Variants in ZFAND3 observed in about 807,000 individuals in gnomAD.
ZFAND3 encodes the protein zinc finger AN1-type containing 3.
In ZFAND3, 10 loss-of-function variants were observed where a neutral mutation model predicts 29.6. The ratio of observed to expected loss-of-function variants is 0.34; its 90% CI spans 0.21 to 0.57. The LOEUF (loss-of-function observed/expected upper bound fraction) is 0.57. Ranked by LOEUF, ZFAND3 falls within the 20% of genes least tolerant of loss-of-function variation. The pLI is 0.86. For synonymous variants in ZFAND3, 128 were observed against 112.6 expected (o/e 1.14, Z -0.87); for missense variants, 230 against 304.5 (o/e 0.76, Z 1.82).
At chr6:38,115,933 C>G (rs1431069415) in intron 4 of ZFAND3, among the ~76,000 whole-genome samples, 1 of 152,206 alleles carries the variant, frequency 6.6e-6, no homozygotes, top group Non-Finnish European at 1.5e-5. Flanking sequence ...TGGTGGAGTT[C>G]ATAGGGCAGC....
At chr6:38,086,286 G>A (rs556562527) in intron 4 of ZFAND3, among the ~76,000 whole-genome samples, 2 of 152,218 alleles carry the variant, frequency 1.3e-5, no homozygotes, top group East Asian at 3.9e-4. Flanking sequence ...GCAACACGAT[G>A]ATCATTTTGG....
At chr6:37,908,103 C>G (rs1433074180) in intron 1 of ZFAND3, among the ~76,000 whole-genome samples, 1 of 152,118 alleles carries the variant, frequency 6.6e-6, no homozygotes, top group Non-Finnish European at 1.5e-5. Context: ...TGATATTTCT[C>G]TTAGTCTGTC....
intron 4 of ZFAND3, among the ~76,000 whole-genome samples, chr6:38,099,484 A>G (rs929444689): frequency 3.9e-5 from 6 of 152,212 alleles, no homozygotes; most frequent in African/African-American, 1.4e-4. Flanking sequence ...ACAGAGTTTC[A>G]GAAAGCCATT....
chr6:38,060,364 C>G (rs1764210814), intron 2 of ZFAND3, among the ~76,000 whole-genome samples: 1 of 151,646 alleles, frequency 6.6e-6, no homozygotes, highest in South Asian at 2.1e-4. Flanking sequence ...TGTTCATCCT[C>G]TCCTCTCCCC....
chr6:38,127,125 A>G (rs1205894422), intron 5 of ZFAND3, among the ~76,000 whole-genome samples: 1 of 152,136 alleles, frequency 6.6e-6, no homozygotes, highest in African/African-American at 2.4e-5. Context: ...CCTCCAGCAT[A>G]ATGTTGAATA....
intron 5 of ZFAND3, among the ~76,000 whole-genome samples, chr6:38,142,693 CTGGAGGAGG>C (rs934238726): frequency 2.6e-5 from 4 of 151,722 alleles, no homozygotes; most frequent in Non-Finnish European, 5.9e-5. Flanking sequence ...CGTGTAGAGG[CTGGAGGAGG>C]TGGAGGGGCC....
At chr6:38,014,621 C>A (rs1295915638) in intron 2 of ZFAND3, among the ~76,000 whole-genome samples, 1 of 152,200 alleles carries the variant, frequency 6.6e-6, no homozygotes, top group East Asian at 1.9e-4. Flanking sequence ...GCCACCATGG[C>A]CAGCCCTAGA....
At chr6:38,139,452 T>C (rs1765904645) in intron 5 of ZFAND3, among the ~76,000 whole-genome samples, 2 of 152,134 alleles carry the variant, frequency 1.3e-5, no homozygotes, top group Non-Finnish European at 2.9e-5. Flanking sequence ...CAAGATGCCT[T>C]GAAAGCATCC....
chr6:37,821,940 TCTC>T (rs1763675773), intron 1 of ZFAND3, among the ~76,000 whole-genome samples: 1 of 152,196 alleles, frequency 6.6e-6, no homozygotes. Context: ...TTCAAGCAGT[TCTC>T]CTGCCTCAAC....
At chr6:37,962,748 G>A (rs556289839) in intron 2 of ZFAND3, among the ~76,000 whole-genome samples, 1 of 152,300 alleles carries the variant, frequency 6.6e-6, no homozygotes, top group Non-Finnish European at 1.5e-5. Context: ...CTGGCCACCT[G>A]AGCCAGCAAG....
At chr6:37,942,662 G>A (rs1761832488) in intron 2 of ZFAND3, among the ~76,000 whole-genome samples, 1 of 152,116 alleles carries the variant, frequency 6.6e-6, no homozygotes, top group Non-Finnish European at 1.5e-5. Flanking sequence ...TGAATTTTGA[G>A]CCATCAATGA....
chr6:37,926,067 AG>A (rs1761478704), intron 1 of ZFAND3, among the ~76,000 whole-genome samples: 1 of 152,172 alleles, frequency 6.6e-6, no homozygotes, highest in Admixed American at 6.5e-5. Flanking sequence ...GCAGTAGCAA[AG>A]GTGGCTAAAT....
intron 4 of ZFAND3, among the ~76,000 whole-genome samples, chr6:38,101,461 A>C (rs1329405367): frequency 6.6e-6 from 1 of 152,188 alleles, no homozygotes; most frequent in Non-Finnish European, 1.5e-5. Context: ...TTAGCATCAC[A>C]TCACATGAGG....
intron 2 of ZFAND3, among the ~76,000 whole-genome samples, chr6:37,977,240 G>A (rs1186421342): frequency 7.9e-5 from 12 of 152,110 alleles, no homozygotes; most frequent in Admixed American, 3.3e-4. Context: ...GTGTTACGTC[G>A]TATAACTGTA....
chr6:37,960,205 A>G (rs1762171184), intron 2 of ZFAND3, among the ~76,000 whole-genome samples: 1 of 152,176 alleles, frequency 6.6e-6, no homozygotes, highest in African/African-American at 2.4e-5. Context: ...AAATAGTAAA[A>G]CCACACTGAG....
chr6:37,895,956 C>T lies in ZFAND3; in HGVS notation c.72-34003C>T, dbSNP rs970158464. 2.6e-5 allele frequency among the ~76,000 whole-genome samples: 4 copies of T among 152,250 alleles called. No homozygotes were observed. The East Asian group carries it at 7.7e-4, about 29-fold the overall frequency. ...CCTATGAATTGTGAGGTTTTCCATT[C>T]TTACTGATGGGAACACGCACTATTC... On this transcript the variant is annotated intron_variant, in intron 1 of 5. Coordinates refer to ENST00000287218, the MANE Select transcript of ZFAND3 (RefSeq NM_021943.3).
At chr6:38,069,560 G>A (rs757435509) in intron 3 of ZFAND3, among the ~76,000 whole-genome samples, 4 of 152,112 alleles carry the variant, frequency 2.6e-5, no homozygotes, top group East Asian at 1.9e-4. Flanking sequence ...TCCCAAAGCT[G>A]GTTCTGCAAA....
At chr6:38,134,566 T>C (rs1288041635) in intron 5 of ZFAND3, among the ~76,000 whole-genome samples, 2 of 152,228 alleles carry the variant, frequency 1.3e-5, no homozygotes, top group Non-Finnish European at 2.9e-5. Flanking sequence ...GATAGCTTCT[T>C]TCCCTTGCTG....
intron 4 of ZFAND3, among the ~76,000 whole-genome samples, chr6:38,097,248 CATT>C (rs1765000666): frequency 8.1e-6 from 1 of 124,092 alleles, no homozygotes. Flanking sequence ...GTTAATTTTT[CATT>C]TTTTTTTTTT....
Sources: allele counts gnomAD v4.1 joint callset (sites outside exome capture counted in the v4.1 genomes callset), GRCh38; gene constraint gnomAD v4.1.1; transcripts MANE v1.5; gene names NCBI Gene and HGNC (gene_info 2026-07-23, HGNC 2026-07-21).